KCNH3: variants seen among roughly 807,000 people sequenced by gnomAD.
The protein encoded by KCNH3 is potassium voltage-gated channel subfamily H member 3.
KCNH3 carries 36 observed loss-of-function variants against 95.6 expected under a neutral mutation model. The observed-to-expected ratio is 0.38, with a 90% CI of 0.29 to 0.50. The LOEUF (loss-of-function observed/expected upper bound fraction) is 0.50, where lower values mean the gene tolerates loss of function less well. KCNH3 is among the 20% of genes least tolerant of loss of function. The pLI is 0.95. For missense variants in KCNH3, 1,030 were observed against 1,484.1 expected (o/e 0.69, Z 5.03); for synonymous variants, 620 against 646.3 (o/e 0.96, Z 0.62).
chr12:49,541,210 C>G, intron 2 of KCNH3, 78 bp downstream of exon 2: 2 of 1,061,564 alleles, frequency 1.9e-6, no homozygotes, highest in South Asian at 2.9e-5. Context: ...ACTGTCCCTC[C>G]TCCTTTCTGT....
intron 7 of KCNH3, among the ~76,000 whole-genome samples, chr12:49,545,327 T>G (rs1367511955): frequency 1.3e-5 from 2 of 151,726 alleles, no homozygotes; most frequent in African/African-American, 4.8e-5. Flanking sequence ...AAACCTGACC[T>G]CTTCCTCCCC....
At chr12:49,547,820 C>T (rs1938111355) in intron 7 of KCNH3, among the ~76,000 whole-genome samples, 1 of 152,094 alleles carries the variant, frequency 6.6e-6, no homozygotes, top group Admixed American at 6.6e-5. Context: ...GCCACACATA[C>T]CCTCTGCCTC....
chr12:49,539,329 G>A lies in KCNH3; in HGVS notation c.-88G>A. ...GGCTGCGCTAGGGAGCGCGGGGCCCGGCGGGGGGCGGCCGAGCTGGGCGCC... is the reference window on the plus strand; with the variant it reads ...GGCTGCGCTAGGGAGCGCGGGGCCCAGCGGGGGGCGGCCGAGCTGGGCGCC... On this transcript the variant is annotated 5_prime_UTR_variant, in exon 1 of 15. Transcript: ENST00000257981. The surrounding 1 kb of genome is among the most constrained non-coding windows in gnomAD (Gnocchi z 6.7). 1.3e-6 allele frequency: 1 copy of A among 775,500 alleles called. No individual in the cohort carries two copies. The highest frequency in any genetic ancestry group is 1.8e-6 in the Non-Finnish European group (1 of 565,298). The allele number at this position is 775,500 out of a possible 1,614,324, so 48.0% of individuals were successfully genotyped here.
In KCNH3 at chr12:49,555,917, A is replaced by C; in HGVS notation, c.2434A>C (p.Met812Leu). The change falls in exon 12 of 15, where the codon ATG (methionine) becomes CTG (leucine). Residue 812 changes from methionine to leucine, a missense_variant. Transcript: ENST00000257981. ...CCTAGAGGGGCTACGGCTGCCCCCC[A>C]TGCCATGGAATGTGCCCCCAGATCT... ...RALEGLRLPPMPWNVPPDLSP... is the reference protein window; with the variant it reads ...RALEGLRLPPLPWNVPPDLSP... The C allele has an allele frequency of 6.4e-7, 1 of 1,574,128 alleles. No homozygotes were observed. Among genetic ancestry groups the C allele is most frequent in the Non-Finnish European group, 8.7e-7 (1 of 1,153,646 alleles).
intron 11 of KCNH3, 27 bp from the exon 12 acceptor site, chr12:49,555,593 C>T (rs1231861836): frequency 6.9e-7 from 1 of 1,446,528 alleles, no homozygotes; most frequent in East Asian, 2.3e-5. Context: ...CCATCCATGC[C>T]GATTCCCTGT....
intron 7 of KCNH3, 99 bp from the exon 8 acceptor site, chr12:49,548,796 C>A: frequency 7.8e-7 from 1 of 1,277,250 alleles, no homozygotes; most frequent in Non-Finnish European, 1.1e-6. Context: ...GGCGGGAAGC[C>A]ATGGGGCTGG....
At position 49,540,936 on chromosome 12, in the gene KCNH3, G is replaced by A. The variant is rs1463656924; in HGVS notation, c.114G>A (p.Gly38=). Reference sequence around the variant, plus strand: ...TGCTGGGCAACGCCCAGGTGGCGGGGCTCTTCCCCGTGGTCTACTGCTCTG... The same window carrying A: ...TGCTGGGCAACGCCCAGGTGGCGGGACTCTTCCCCGTGGTCTACTGCTCTG... The part of the protein sequence containing the change: ...NFVLGNAQVA[G]LFPVVYCSDG... The change falls in exon 2 of 15, where the codon GGG becomes GGA. Residue 38 remains glycine, a synonymous_variant. Coordinates refer to ENST00000257981, the MANE Select transcript of KCNH3 (RefSeq NM_012284.3). The A allele has an allele frequency of 3.1e-6, 5 of 1,614,068 alleles. 1 individual carries two copies. In the East Asian group the frequency reaches 1.1e-4, roughly 36 times the overall value.
chr12:49,551,194 C>T (rs1007017806), intron 10 of KCNH3, among the ~76,000 whole-genome samples: 1 of 152,120 alleles, frequency 6.6e-6, no homozygotes, highest in Non-Finnish European at 1.5e-5. Context: ...AGGAAGCCAT[C>T]GTTAGGAGGG....
chr12:49,557,835 C>T lies in KCNH3; in HGVS notation c.3134C>T (p.Pro1045Leu). The change falls in exon 15 of 15, where the codon CCA becomes CTA. Residue 1045 changes from proline (P) to leucine (L), a missense_variant. Pro to Leu is a moderately conservative substitution (Grantham distance 98, BLOSUM62 -3). Around this residue, in one of 9 missense-constraint regions of KCNH3, gnomAD observed 464 missense variants for 493.2 expected, o/e 0.94. Transcript: ENST00000257981. ...GAGGCTACCAGCACTGGAGAGCCCC[C>T]ACCAGGGTCAGGGGGCCTGGCCTTG... ...QAEATSTGEPPPGSGGLALPW... is the reference protein window; with the variant it reads ...QAEATSTGEPLPGSGGLALPW... The T allele has an allele frequency of 6.3e-7, 1 of 1,598,734 alleles. No individual in the cohort carries two copies. The highest frequency in any genetic ancestry group is 8.5e-7 in the Non-Finnish European group (1 of 1,170,174).
rs1937775414 is a variant in KCNH3 at position 49,539,085 on chromosome 12, G to C, written c.-332G>C. ...GAGCTGCCGAGAGCCGGCGCCGAGCGAAGCCGAGCGGAAGCCCACCCGCAG... is the reference window on the plus strand; with the variant it reads ...GAGCTGCCGAGAGCCGGCGCCGAGCCAAGCCGAGCGGAAGCCCACCCGCAG... On this transcript the variant is annotated 5_prime_UTR_variant, in exon 1 of 15. Coordinates refer to ENST00000257981, the MANE Select transcript of KCNH3 (RefSeq NM_012284.3). This position sits in a 1 kb window ranked among gnomAD's most constrained non-coding sequence, Gnocchi z 6.7. 1 of 152,212 alleles carries C rather than the reference G, an allele frequency of 6.6e-6. No homozygotes were observed. The highest frequency in any genetic ancestry group is 1.5e-5 in the Non-Finnish European group (1 of 68,036). 9.4% of individuals were successfully genotyped at this position (152,212 alleles called of 1,614,324 possible).
chr12:49,547,984 C>A (rs1938117327), intron 7 of KCNH3, among the ~76,000 whole-genome samples: 1 of 152,206 alleles, frequency 6.6e-6, no homozygotes, highest in Non-Finnish European at 1.5e-5. Flanking sequence ...AGCACACAGC[C>A]TTGGGAGAGA....
chr12:49,548,133 T>TGTGTGTGTGC (rs1380200472), intron 7 of KCNH3, among the ~76,000 whole-genome samples: 24 of 146,428 alleles, frequency 1.6e-4, no homozygotes, highest in South Asian at 6.8e-4. Flanking sequence ...TGTGTGTGTG[T>TGTGTGTGTGC]GCGCGCGCAC....
At chr12:49,543,164 T>A (rs1294040520) in intron 4 of KCNH3, 111 bp from the exon 5 acceptor site, 1 of 1,208,362 alleles carries the variant, frequency 8.3e-7, no homozygotes, top group Non-Finnish European at 1.2e-6. Flanking sequence ...CAGATGCTGC[T>A]TCGATAATGC....
chr12:49,542,744 G>A lies in KCNH3; in HGVS notation c.484G>A (p.Gly162Ser), dbSNP rs1354952951. Residue 162 changes from glycine (G) to serine (S), a missense_variant, in exon 4 of 15, where the codon GGC becomes AGC. Gly to Ser is a moderately conservative substitution (Grantham distance 56, BLOSUM62 0). This residue lies in a region of KCNH3 where 92 missense variants were observed against 92.7 expected (regional missense o/e 0.99). Coordinates refer to ENST00000257981, the MANE Select transcript of KCNH3 (RefSeq NM_012284.3). The part of the protein sequence containing the change: ...RRRYGRARSK[G>S]FNANRRRSRA... The stretch of plus-strand genomic sequence containing the variant: ...CCGATATGGCCGGGCACGATCCAAA[G>A]GCTTCAATGCCAACCGGCGGCGGAG... 2.5e-6 allele frequency: 4 copies of A among 1,589,200 alleles called. No homozygotes were observed. Among genetic ancestry groups the A allele is most frequent in the Admixed American group, 3.6e-5 (2 of 55,706 alleles).
rs1565779341 is a variant in KCNH3 at position 49,550,142 on chromosome 12, C to T, written c.1731C>T (p.Val577=). The stretch of plus-strand genomic sequence containing the variant: ...TCGCCATGCACCTGCACAAGGAGGT[C>T]CTGCAGCTGCCACTGTTTGAGGCGG... ...ADIAMHLHKE[V]LQLPLFEAAS... The change falls in exon 10 of 15, where the codon GTC becomes GTT. Residue 577 remains valine, a synonymous_variant. Coordinates refer to ENST00000257981, the MANE Select transcript of KCNH3 (RefSeq NM_012284.3). 6.2e-7 allele frequency: 1 copy of T among 1,608,076 alleles called. No individual in the cohort carries two copies. The highest frequency in any genetic ancestry group is 2.2e-5 in the East Asian group (1 of 44,760).
Position 49,550,049 on chromosome 12 carries a change from C to G in KCNH3, c.1669-31C>G, listed in dbSNP as rs1469130201. 4 of 1,379,300 alleles carry G rather than the reference C, an allele frequency of 2.9e-6. No individual in the cohort carries two copies. In the South Asian group the frequency reaches 4.0e-5, roughly 14 times the overall value. 85.4% of individuals were successfully genotyped at this position (1,379,300 alleles called of 1,614,324 possible). A position where few individuals can be genotyped will look rare whatever the true frequency, so the allele number is the denominator to read the frequency against. Reference sequence around the variant, plus strand: ...CCACCTCCTCTTCTGCCACTCCCAACCCCCCCACCCCCGCACCTGCTCACC... The same window carrying G: ...CCACCTCCTCTTCTGCCACTCCCAAGCCCCCCACCCCCGCACCTGCTCACC... On this transcript the variant is annotated intron_variant, in intron 9 of 14. Transcript: ENST00000257981.
chr12:49,545,780 C>G (rs536195076), intron 7 of KCNH3, among the ~76,000 whole-genome samples: 1 of 152,170 alleles, frequency 6.6e-6, no homozygotes, highest in Non-Finnish European at 1.5e-5. Context: ...TTCCTGGGAA[C>G]TACAAGGCTC....
chr12:49,545,908 G>A (rs1033274992), intron 7 of KCNH3, among the ~76,000 whole-genome samples: 8 of 152,006 alleles, frequency 5.3e-5, no homozygotes, highest in Non-Finnish European at 8.8e-5. Context: ...AGGACACTCC[G>A]GGCAGTGACA....
Position 49,544,092 on chromosome 12 carries a change from C to G in KCNH3, c.981+20C>G. On this transcript the variant is annotated intron_variant, in intron 6 of 14. Coordinates refer to ENST00000257981, the MANE Select transcript of KCNH3 (RefSeq NM_012284.3). ...AACGTGGTCAGTGTGGCTGGGCTGG[C>G]TGGGTGGGTGGGCTTGGCCAGGGGA... 1 of 1,606,566 alleles carries G rather than the reference C, an allele frequency of 6.2e-7. No homozygotes were observed. The highest frequency in any genetic ancestry group is 8.5e-7 in the Non-Finnish European group (1 of 1,174,294).
Sources: gnomAD v4.1 joint callset for allele counts (sites outside exome capture counted in the v4.1 genomes callset) on GRCh38, gnomAD v4.1.1 for gene constraint, gnomAD v4.1.1 regional missense constraint, Gnocchi (gnomAD v3.1) non-coding constraint, MANE v1.5 for transcripts, NCBI Gene and HGNC (gene_info 2026-07-23, HGNC 2026-07-21) for gene names.